CREM: variants seen among roughly 807,000 people sequenced by gnomAD.
CREM encodes cAMP responsive element modulator.
In CREM, 13 loss-of-function variants were observed where a neutral mutation model predicts 37.3. The ratio of observed to expected loss-of-function variants is 0.35; its 90% CI spans 0.23 to 0.55. The LOEUF is 0.55. CREM is among the 20% of genes least tolerant of loss of function. CREM has a pLI of 0.88. For synonymous variants in CREM, 124 were observed against 120.2 expected (o/e 1.03, Z -0.21); for missense variants, 296 against 362.3 (o/e 0.82, Z 1.49).
chr10:35,146,617 C>T (rs2092144144), intron 2 of CREM, among the ~76,000 whole-genome samples: 1 of 152,118 alleles, frequency 6.6e-6, no homozygotes, highest in East Asian at 1.9e-4. Flanking sequence ...GGAGAGGCCA[C>T]TCTGGGAAGT....
Position 35,135,057 on chromosome 10 carries a change from GA to G in CREM, c.-54-2720del, listed in dbSNP as rs1435444600. ...AGTCTCAAAAAAAAAAAAAAGGAAA[GA>G]AAAATTAATTGAAGCTGTTGCACCA... On this transcript the variant is annotated intron_variant, in intron 1 of 7. Transcript: ENST00000685392. 2.6e-5 allele frequency among the ~76,000 whole-genome samples: 4 copies of G among 151,356 alleles called. No individual in the cohort carries two copies. The East Asian group carries it at 7.8e-4, about 29-fold the overall frequency.
At chr10:35,200,135 G>A (rs574450671) in intron 6 of CREM, among the ~76,000 whole-genome samples, 15 of 152,100 alleles carry the variant, frequency 9.9e-5, no homozygotes, top group South Asian at 2.1e-4. Context: ...CGATCCACCC[G>A]CCTCAGCCTC....
At chr10:35,202,955 T>C (rs773273420) in intron 6 of CREM, among the ~76,000 whole-genome samples, 6 of 152,202 alleles carry the variant, frequency 3.9e-5, no homozygotes, top group Non-Finnish European at 7.3e-5. Context: ...CCAAATTTGG[T>C]CCCTTGAGGG....
At chr10:35,199,009 C>T (rs1249310232) in intron 6 of CREM, among the ~76,000 whole-genome samples, 1 of 152,146 alleles carries the variant, frequency 6.6e-6, no homozygotes, top group Admixed American at 6.5e-5. Flanking sequence ...ATTAGCCGGG[C>T]GTGGTGGCAT....
chr10:35,175,774 G>T, intron 3 of CREM: 2 of 1,613,984 alleles, frequency 1.2e-6, no homozygotes, highest in South Asian at 2.2e-5. Context: ...TCATATTAGT[G>T]AGTGGTATTA....
rs1337967931 is a variant in CREM, at chr10:35,187,158, A to G, written c.410-1042A>G. 4.9e-5 allele frequency among the ~76,000 whole-genome samples: 3 copies of G among 60,800 alleles called. No individual in the cohort carries two copies. The Admixed American group carries it at 9.1e-4, about 18-fold the overall frequency. The allele number at this position is 60,800 out of a possible 152,430, so 39.9% of individuals were successfully genotyped here. ...TATATTAATATATAATATATATAAT[A>G]TATATTATATATTAATATTAATATA... On this transcript the variant is annotated intron_variant, in intron 5 of 7. Transcript: ENST00000685392.
intron 6 of CREM, among the ~76,000 whole-genome samples, chr10:35,189,997 T>C (rs1379185596): frequency 2.0e-5 from 3 of 152,230 alleles, no homozygotes. Context: ...CCCAGTACTT[T>C]AATGTTTTCT....
At chr10:35,129,012 G>C (rs948912768) in intron 1 of CREM, among the ~76,000 whole-genome samples, 3 of 152,164 alleles carry the variant, frequency 2.0e-5, no homozygotes, top group Non-Finnish European at 4.4e-5. Flanking sequence ...TCCCAACACA[G>C]CTTTAACAAA....
At position 35,148,400 on chromosome 10, in the gene CREM, A is replaced by G. The variant is rs34227693; in HGVS notation, c.77A>G (p.His26Arg). Residue 26 changes from histidine (H) to arginine (R), a missense_variant, in exon 3 of 8, where the codon CAT (histidine) becomes CGT (arginine). By Grantham distance (29) the His-to-Arg change is conservative. Transcript: ENST00000685392. ...ACCATGGAAACAGTTGAATCCCAGC[A>G]TGATGGAAGTATAACAGCTTCTTTG... The part of the protein sequence containing the change: ...QMTMETVESQ[H>R]DGSITASLTE... The G allele has an allele frequency of 2.0e-5, 33 of 1,613,402 alleles. No individual in the cohort carries two copies. In the African/African-American group the frequency reaches 4.3e-4, roughly 21 times the overall value.
chr10:35,135,745 A>G (rs1242622147), intron 1 of CREM, among the ~76,000 whole-genome samples: 2 of 66,594 alleles, frequency 3.0e-5, no homozygotes, highest in Non-Finnish European at 7.6e-5. Flanking sequence ...AAAAAAAAAG[A>G]GAGACATTAA....
chr10:35,161,880 T>C (rs533542890), intron 3 of CREM, among the ~76,000 whole-genome samples: 96 of 152,302 alleles, frequency 6.3e-4, no homozygotes, highest in African/African-American at 2.2e-3. Flanking sequence ...CCTCCAGATA[T>C]GAAAAATAGA....
Position 35,212,080 on chromosome 10 carries a change from T to C in CREM, c.*682T>C, listed in dbSNP as rs2095671342. ...ATACTTGCAGCTCCCATTCTATGTG[T>C]CATCAATAGTGTCCTATGCAATAAA... On this transcript the variant is annotated 3_prime_UTR_variant, in exon 8 of 8. Coordinates refer to ENST00000685392, the MANE Select transcript of CREM (RefSeq NM_183011.2). 1 of 289,990 alleles carries C rather than the reference T, an allele frequency of 3.4e-6. No homozygotes were observed. The highest frequency in any genetic ancestry group is 4.8e-5 in the Admixed American group (1 of 20,668). The allele number at this position is 289,990 out of a possible 1,614,324, so 18.0% of individuals were successfully genotyped here.
chr10:35,211,185 G>A, intron 7 of CREM, 69 bp from the exon 8 acceptor site: 1 of 1,548,834 alleles, frequency 6.5e-7, no homozygotes, highest in Non-Finnish European at 8.8e-7. Context: ...GGGGGCAGAA[G>A]TGCACTGACC....
Position 35,172,082 on chromosome 10 carries a change from G to A in CREM, c.169-6807G>A, listed in dbSNP as rs116741458. On this transcript the variant is annotated intron_variant, in intron 3 of 7. Coordinates refer to ENST00000685392, the MANE Select transcript of CREM (RefSeq NM_183011.2). ...CATGTCCCAATTTCCTGAGCTGATG[G>A]GATAGAAGCTGGTCAATGAAGTCTT... Among the ~76,000 whole-genome samples, 1,205 of 152,244 alleles carry A rather than the reference G, an allele frequency of 7.9e-3. 21 individuals are homozygous for A. The highest frequency in any genetic ancestry group is 0.027 in the African/African-American group (1,131 of 41,532).
chr10:35,187,063 AATT>A (rs1381624652), intron 5 of CREM, among the ~76,000 whole-genome samples: 7 of 69,914 alleles, frequency 1.0e-4, no homozygotes, highest in Admixed American at 2.6e-4. Context: ...TAATATATAT[AATT>A]AATATAATAA....
chr10:35,148,322 C>T, intron 2 of CREM, 46 bp from the exon 3 acceptor site: 1 of 1,569,202 alleles, frequency 6.4e-7, no homozygotes, highest in African/African-American at 1.4e-5. Context: ...TTTCCAAATA[C>T]TTAAGATAGG....
chr10:35,135,572 G>C (rs2090335405), intron 1 of CREM: 1 of 151,784 alleles, frequency 6.6e-6, no homozygotes, highest in African/African-American at 2.4e-5. Flanking sequence ...TGGGTGTTTA[G>C]GTATAAGGAG....
intron 6 of CREM, chr10:35,194,989 G>A (rs942906043): frequency 2.7e-5 from 12 of 437,218 alleles, no homozygotes; most frequent in Non-Finnish European, 4.5e-5. Flanking sequence ...CATTAAGATG[G>A]TTTATTACAG....
intron 5 of CREM, among the ~76,000 whole-genome samples, chr10:35,187,131 A>T (rs867434443): frequency 0.32 from 26,428 of 83,588 alleles, 4,421 homozygotes; most frequent in Non-Finnish European, 0.35. Context: ...TAAATATATT[A>T]ATATATTAAT....
Sources: gnomAD v4.1 joint callset for allele counts (sites outside exome capture counted in the v4.1 genomes callset) on GRCh38, gnomAD v4.1.1 for gene constraint, MANE v1.5 for transcripts, NCBI Gene and HGNC (gene_info 2026-07-23, HGNC 2026-07-21) for gene names.